The following CPLANE1 variants were observed in gnomAD, a reference collection of about 807,000 sequenced individuals.
The protein encoded by CPLANE1 is ciliogenesis and planar polarity effector 1.
In CPLANE1, 263 loss-of-function variants were observed where a neutral mutation model predicts 362.5. The observed-to-expected ratio is 0.73, with a 90% confidence interval of 0.66 to 0.80. The LOEUF (loss-of-function observed/expected upper bound fraction) is 0.80. CPLANE1 is among the 30% of genes least tolerant of loss of function. CPLANE1 has a pLI of 0.00. For synonymous variants in CPLANE1, 1,212 were observed against 1,302.6 expected (o/e 0.93, Z 1.50); for missense variants, 3,461 against 3,793.4 (o/e 0.91, Z 2.30).
chr5:37,157,736 C>T lies in CPLANE1; in HGVS notation c.7945G>A (p.Ala2649Thr). 1.9e-6 allele frequency: 3 copies of T among 1,613,866 alleles called. No individual in the cohort carries two copies. The highest frequency in any genetic ancestry group is 2.5e-6 in the Non-Finnish European group (3 of 1,179,888). Residue 2649 changes from alanine (A) to threonine (T), a missense_variant, in exon 40 of 53, where the codon GCA becomes ACA. Ala to Thr is a moderately conservative substitution (Grantham distance 58, BLOSUM62 0). This residue lies in a region of CPLANE1 where 3,380 missense variants were observed against 3,666.1 expected (regional missense o/e 0.92). Coordinates refer to ENST00000651892, the MANE Select transcript of CPLANE1 (RefSeq NM_001384732.1). ...GAAGCTGCCATATAATGTAACTCTG[C>T]AGACGATGGAACTGCTAGATGATCG... ...QSDHLAVPSS[A>T]ELHYMAASVT...
intron 7 of CPLANE1, 137 bp from the exon 8 acceptor site, chr5:37,239,097 T>C: frequency 2.3e-6 from 1 of 440,954 alleles, no homozygotes; most frequent in South Asian, 7.3e-5. Context: ...CAAAGCAATA[T>C]TGACCCCTGG....
the CPLANE1 span, among the ~76,000 whole-genome samples, chr5:37,086,342 T>C: frequency 6.6e-6 from 1 of 152,212 alleles, no homozygotes; most frequent in Non-Finnish European, 1.5e-5. Flanking sequence ...ATTGAAATTA[T>C]ATGAAGCACT....
At chr5:37,223,685 C>T (rs1795831951) in intron 14 of CPLANE1, among the ~76,000 whole-genome samples, 1 of 152,174 alleles carries the variant, frequency 6.6e-6, no homozygotes, top group Non-Finnish European at 1.5e-5. Flanking sequence ...ATCAAAAACT[C>T]CTCGAAGCCC....
intron 33 of CPLANE1, 96 bp from the exon 34 acceptor site, chr5:37,169,657 T>C: frequency 1.0e-6 from 1 of 983,546 alleles, no homozygotes; most frequent in Non-Finnish European, 1.5e-6. Context: ...GGGTAGAATG[T>C]AGTAACTGCT....
rs761342024 is a variant in CPLANE1, at chr5:37,165,656, A to G, written c.7416T>C (p.Ala2472=). 1 of 1,608,656 alleles carries G rather than the reference A, an allele frequency of 6.2e-7. No homozygotes were observed. Among genetic ancestry groups the G allele is most frequent in the Non-Finnish European group, 8.5e-7 (1 of 1,178,942 alleles). ...ATCTTTTTTCTTGCAGCTCTTTCTC[A>G]GCTCTTCTTCTTTGCCTGTTAAACA... ...KDSKKRQRRR[A]EKELQEKRCE... is the part of the protein sequence containing the mutation. The change falls in exon 36 of 53, where the codon GCT becomes GCC. Residue 2472 remains alanine (A), a synonymous_variant. Coordinates refer to ENST00000651892, the MANE Select transcript of CPLANE1 (RefSeq NM_001384732.1).
intron 29 of CPLANE1, among the ~76,000 whole-genome samples, chr5:37,178,070 T>A (rs754445259): frequency 6.6e-6 from 1 of 152,080 alleles, no homozygotes; most frequent in Non-Finnish European, 1.5e-5. Context: ...GGCAGGCAGA[T>A]CTACTTGAGG....
intron 13 of CPLANE1, 40 bp from the exon 14 acceptor site, chr5:37,224,373 T>C: frequency 2.1e-6 from 3 of 1,397,074 alleles, no homozygotes; most frequent in Non-Finnish European, 2.9e-6. Flanking sequence ...TAGTTAATTA[T>C]ATTACTTCAT....
chr5:37,148,393 A>G, intron 42 of CPLANE1, 125 bp from the exon 43 acceptor site: 1 of 584,026 alleles, frequency 1.7e-6, no homozygotes, highest in Non-Finnish European at 2.8e-6. Context: ...GATTAAATCC[A>G]ATATAAGCTA....
chr5:37,245,357 A>T (rs1388905874), intron 4 of CPLANE1, 122 bp downstream of exon 4: 17 of 178,542 alleles, frequency 9.5e-5, no homozygotes, highest in Non-Finnish European at 7.8e-5. Context: ...ATATACACAC[A>T]CTCAGATATA....
chr5:37,191,084 G>A (rs1785421528), intron 21 of CPLANE1, among the ~76,000 whole-genome samples: 1 of 152,060 alleles, frequency 6.6e-6, no homozygotes, highest in Non-Finnish European at 1.5e-5. Context: ...TATTGCCCCT[G>A]AAGACTTTCC....
chr5:37,201,682 T>C lies in CPLANE1; in HGVS notation c.3416A>G (p.Asp1139Gly), dbSNP rs1561584136. 6.2e-7 allele frequency: 1 copy of C among 1,614,152 alleles called. No homozygotes were observed. Among genetic ancestry groups the C allele is most frequent in the Admixed American group, 1.7e-5 (1 of 60,022 alleles). ...TFQLLIDSAK[D>G]FSKRLWGLVP... ...TAAGCCCCACAGTCTTTTACTGAAGTCCTTGGCAGAGTCTATCAGAAGTTG... is the reference window on the plus strand; with the variant it reads ...TAAGCCCCACAGTCTTTTACTGAAGCCCTTGGCAGAGTCTATCAGAAGTTG... Residue 1139 changes from aspartate (D) to glycine (G), a missense_variant, in exon 19 of 53, where the codon GAC becomes GGC. This residue lies in a region of CPLANE1 where 3,380 missense variants were observed against 3,666.1 expected (regional missense o/e 0.92). Transcript: ENST00000651892.
rs1475744173 is a variant in CPLANE1 at position 37,184,911 on chromosome 5, A to T, written c.4358T>A (p.Leu1453Gln). 1 of 1,614,136 alleles carries T rather than the reference A, an allele frequency of 6.2e-7. No homozygotes were observed. Among genetic ancestry groups the T allele is most frequent in the Non-Finnish European group, 8.5e-7 (1 of 1,179,986 alleles). The stretch of plus-strand genomic sequence containing the variant: ...TGTACTTCTGCTCAAACTAGTCCCC[A>T]GGGAATATCTGTCAACACCTGGAGC... ...DEAPGVDRYS[L>Q]GTSLSRSTLT... The change falls in exon 25 of 53, where the codon CTG becomes CAG. Residue 1453 changes from leucine to glutamine, a missense_variant. By Grantham distance (113) the Leu-to-Gln change is moderately radical (BLOSUM62 -2). Transcript: ENST00000651892.
At chr5:37,240,364 A>G (rs1231041036) in intron 6 of CPLANE1, among the ~76,000 whole-genome samples, 2 of 152,106 alleles carry the variant, frequency 1.3e-5, no homozygotes, top group Non-Finnish European at 2.9e-5. Context: ...AAAAAAAAGA[A>G]AGAAAGAAAG....
intron 50 of CPLANE1, among the ~76,000 whole-genome samples, chr5:37,117,889 G>C (rs1196482699): frequency 1.3e-5 from 2 of 152,212 alleles, no homozygotes; most frequent in Non-Finnish European, 2.9e-5. Flanking sequence ...CATATAACAG[G>C]AGGACATATT....
At chr5:37,125,175 T>C (rs1193311059) in intron 47 of CPLANE1, 69 bp downstream of exon 47, 2 of 1,504,364 alleles carry the variant, frequency 1.3e-6, no homozygotes, top group Non-Finnish European at 1.8e-6. Flanking sequence ...AATCTTTTTC[T>C]TAAAATTTTG....
At chr5:37,212,103 GA>G in intron 16 of CPLANE1, 1 of 930,144 alleles carries the variant, frequency 1.1e-6, no homozygotes, top group Non-Finnish European at 1.8e-6. Context: ...AAGAGAACTA[GA>G]AAAACTGTAT....
intron 51 of CPLANE1, among the ~76,000 whole-genome samples, chr5:37,109,005 G>A (rs1303030504): frequency 6.6e-6 from 1 of 152,130 alleles, no homozygotes; most frequent in Non-Finnish European, 1.5e-5. Context: ...ATGCCCAGAG[G>A]CAGCTTAGTA....
chr5:37,244,050 A>G (rs1247039591), intron 5 of CPLANE1, among the ~76,000 whole-genome samples: 2 of 151,808 alleles, frequency 1.3e-5, no homozygotes, highest in African/African-American at 2.4e-5. Flanking sequence ...GGGTTTCTCC[A>G]TGTTGGTCAG....
At chr5:37,157,932 CAAAAAA>C (rs1157107088) in intron 39 of CPLANE1, 64 bp from the exon 40 acceptor site, 195 of 67,398 alleles carry the variant, frequency 2.9e-3, no homozygotes, top group Middle Eastern at 8.5e-3. Flanking sequence ...GTCACTCCGC[CAAAAAA>C]AAAAAAAAAA....
Sources: gnomAD v4.1 joint callset for allele counts (sites outside exome capture counted in the v4.1 genomes callset) on GRCh38, gnomAD v4.1.1 for gene constraint, gnomAD v4.1.1 regional missense constraint, MANE v1.5 for transcripts, NCBI Gene and HGNC (gene_info 2026-07-23, HGNC 2026-07-21) for gene names.